Variants in SHBG observed in about 807,000 individuals in gnomAD.
The protein encoded by SHBG is sex hormone binding globulin.
Under a neutral mutation model 41.9 loss-of-function variants are expected in SHBG, and 37 were observed. The ratio of observed to expected loss-of-function variants is 0.88; its 90% CI spans 0.68 to 1.16. SHBG has a LOEUF of 1.16. Among genes scored for constraint, SHBG ranks in the 50% most tolerant of loss-of-function variants. SHBG has a pLI of 0.00. For synonymous variants in SHBG, 217 were observed against 205.8 expected (o/e 1.05, Z -0.47); for missense variants, 466 against 499.9 (o/e 0.93, Z 0.65).
chr17:7,631,735 A>G lies in SHBG; in HGVS notation c.702A>G (p.Glu234=). 1.9e-6 allele frequency: 3 copies of G among 1,614,092 alleles called. No individual in the cohort carries two copies. Among genetic ancestry groups the G allele is most frequent in the South Asian group, 2.2e-5 (2 of 91,076 alleles). The change falls in exon 5 of 8, where the codon GAA becomes GAG. Residue 234 remains glutamate, a synonymous_variant. Coordinates refer to ENST00000380450, the MANE Select transcript of SHBG (RefSeq NM_001040.5). ...GIFLPPGTQA[E]FNLRDIPQPH... is the part of the protein sequence containing the mutation. ...TTCTCCCTCCAGGGACTCAGGCAGAATTCAATCTCCGAGGTAGATTTCCTC... is the reference window on the plus strand; with the variant it reads ...TTCTCCCTCCAGGGACTCAGGCAGAGTTCAATCTCCGAGGTAGATTTCCTC...
At chr17:7,617,781 T>G (rs1042206582) in intron 1 of SHBG, among the ~76,000 whole-genome samples, 1 of 152,088 alleles carries the variant, frequency 6.6e-6, no homozygotes, top group Non-Finnish European at 1.5e-5. Context: ...ATAGTAATAA[T>G]TATTCAACAA....
chr17:7,627,704 C>T (rs759668116), upstream of SHBG: 2 of 1,564,202 alleles, frequency 1.3e-6, no homozygotes, highest in Admixed American at 1.7e-5. The surrounding 1 kb of genome is among the most constrained non-coding windows in gnomAD (Gnocchi z 4.8). Flanking sequence ...CTTAAAGGGC[C>T]TACGGACTTG....
intron 1 of SHBG, among the ~76,000 whole-genome samples, chr17:7,617,159 T>C (rs2072008761): frequency 6.6e-6 from 1 of 152,066 alleles, no homozygotes; most frequent in South Asian, 2.1e-4. Flanking sequence ...ATTTTTTTTT[T>C]GCCCTTTGAG....
intron 1 of SHBG, among the ~76,000 whole-genome samples, chr17:7,618,474 T>A (rs1212373711): frequency 2.0e-5 from 3 of 151,110 alleles, no homozygotes; most frequent in Non-Finnish European, 2.9e-5. Context: ...GTTTTTGTTT[T>A]TTTTGTATTT....
At chr17:7,627,933 G>GT (rs918121801), upstream of SHBG, 15 of 524,926 alleles carry the variant, frequency 2.9e-5, no homozygotes, top group African/African-American at 3.2e-4. The surrounding 1 kb of genome is among the most constrained non-coding windows in gnomAD (Gnocchi z 4.8). Context: ...GCACGGCCGC[G>GT]TCCCCCCCAA....
intron 1 of SHBG, chr17:7,614,600 G>A: frequency 1.0e-6 from 1 of 1,001,494 alleles, no homozygotes; most frequent in Non-Finnish European, 1.3e-6. Context: ...GGCCGGGCCA[G>A]GCCCCCGGCG....
chr17:7,616,313 AAAT>A (rs887074912), intron 1 of SHBG, among the ~76,000 whole-genome samples: 1 of 148,720 alleles, frequency 6.7e-6, no homozygotes, highest in African/African-American at 2.5e-5. Context: ...TCTTCTTTAA[AAAT>A]AATAATAATG....
chr17:7,616,708 T>C lies in SHBG; in HGVS notation c.-62+2597T>C, dbSNP rs922401343. Among the ~76,000 whole-genome samples, 5 of 151,670 alleles carry C rather than the reference T, an allele frequency of 3.3e-5. No homozygotes were observed. The South Asian group carries it at 8.3e-4, about 25-fold the overall frequency. On this transcript the variant is annotated intron_variant, in intron 1 of 5. Transcript: ENST00000570547. ...ATCCCAGCACTTTGGGAGGCCAAGA[T>C]GGGTGGATCACAAGGTCAGGAGTTC... is the stretch of plus-strand genomic sequence containing the variant.
At chr17:7,626,647 G>A (rs1274690412), upstream of SHBG, 1 of 1,610,514 alleles carries the variant, frequency 6.2e-7, no homozygotes, top group Non-Finnish European at 8.5e-7. Flanking sequence ...CTTTTCTGGG[G>A]TCAAAAAAGA....
chr17:7,630,924 G>T lies in SHBG; in HGVS notation c.393+55G>T. 7 of 1,532,236 alleles carry T rather than the reference G, an allele frequency of 4.6e-6. No individual in the cohort carries two copies. The highest frequency in any genetic ancestry group is 6.3e-6 in the Non-Finnish European group (7 of 1,112,212). 94.9% of individuals were successfully genotyped at this position (1,532,236 alleles called of 1,614,324 possible). ...ATGTCTGGAGCTGGTCTGAGGAAAG[G>T]GAACAAAACCAAGTTATTGGGCATC... On this transcript the variant is annotated intron_variant, in intron 3 of 7. Coordinates refer to ENST00000380450, the MANE Select transcript of SHBG (RefSeq NM_001040.5). This position sits in a 1 kb window ranked among gnomAD's most constrained non-coding sequence, Gnocchi z 4.6.
chr17:7,630,724 T>C lies in SHBG; in HGVS notation c.248T>C (p.Val83Ala), dbSNP rs201233623. 1.2e-5 allele frequency: 20 copies of C among 1,613,430 alleles called. No individual in the cohort carries two copies. The highest frequency in any genetic ancestry group is 1.7e-5 in the Admixed American group (1 of 59,912). Residue 83 changes from valine to alanine, a missense_variant, in exon 3 of 8, where the codon GTG becomes GCG. Coordinates refer to ENST00000380450, the MANE Select transcript of SHBG (RefSeq NM_001040.5). This position sits in a 1 kb window ranked among gnomAD's most constrained non-coding sequence, Gnocchi z 4.6. ...FEVRTWDPEGVIFYGDTNPKD... is the reference protein window; with the variant it reads ...FEVRTWDPEGAIFYGDTNPKD... ...GTTCGAACCTGGGACCCAGAGGGAG[T>C]GATTTTTTATGGGGATACCAACCCT...
chr17:7,619,525 G>C (rs766964339), intron 1 of SHBG, among the ~76,000 whole-genome samples: 1 of 151,262 alleles, frequency 6.6e-6, no homozygotes, highest in African/African-American at 2.4e-5. Flanking sequence ...GACCAACATG[G>C]TGAAACCCCA....
chr17:7,630,029 AG>A (rs1262806529), upstream of SHBG: 8 of 739,964 alleles, frequency 1.1e-5, no homozygotes, highest in Non-Finnish European at 1.9e-5. This position sits in a 1 kb window ranked among gnomAD's most constrained non-coding sequence, Gnocchi z 4.6. Context: ...GCCCCTGGGC[AG>A]GGGTCAAGGG....
chr17:7,628,886 T>G (rs2072310577), upstream of SHBG, among the ~76,000 whole-genome samples: 1 of 151,632 alleles, frequency 6.6e-6, no homozygotes, highest in Admixed American at 6.6e-5. Flanking sequence ...TGAAACCCCG[T>G]CTCTACTAAA....
chr17:7,630,536 G>C lies in SHBG; in HGVS notation c.203+29G>C, dbSNP rs769450142. On this transcript the variant is annotated intron_variant, in intron 2 of 7. Transcript: ENST00000380450. The surrounding 1 kb of genome is among the most constrained non-coding windows in gnomAD (Gnocchi z 4.6). ...TGGGGTTGGCCTAGCCCTTGACCCAGTCCCCTGGTTCTGCCCTCTCTCCAT... is the reference window on the plus strand; with the variant it reads ...TGGGGTTGGCCTAGCCCTTGACCCACTCCCCTGGTTCTGCCCTCTCTCCAT... The C allele has an allele frequency of 4.3e-5, 68 of 1,598,436 alleles. No homozygotes were observed. Among genetic ancestry groups the C allele is most frequent in the African/African-American group, 6.7e-5 (5 of 74,586 alleles).
Position 7,630,681 on chromosome 17 carries a change from A to G in SHBG, c.205A>G (p.Thr69Ala), listed in dbSNP as rs748888500. The change falls in exon 3 of 8, where the codon ACC (threonine) becomes GCC (alanine). Residue 69 changes from threonine to alanine, a missense_variant and splice_region_variant. Physicochemically the swap from Thr to Ala is moderately conservative, Grantham distance 58. Coordinates refer to ENST00000380450, the MANE Select transcript of SHBG (RefSeq NM_001040.5). This position sits in a 1 kb window ranked among gnomAD's most constrained non-coding sequence, Gnocchi z 4.6. Reference protein sequence around the residue: ...MTFDLTKITKTSSSFEVRTWD... With the variant: ...MTFDLTKITKASSSFEVRTWD... ...ATCTTTCCTTCTGTGTCCTTCCAGA[A>G]CCTCCTCCTCCTTTGAGGTTCGAAC... is the stretch of plus-strand genomic sequence containing the variant. 6.2e-7 allele frequency: 1 copy of G among 1,613,424 alleles called. No individual in the cohort carries two copies. Among genetic ancestry groups the G allele is most frequent in the East Asian group, 2.2e-5 (1 of 44,844 alleles).
intron 6 of SHBG, 25 bp downstream of exon 6, chr17:7,632,040 C>T: frequency 6.2e-7 from 1 of 1,610,462 alleles, no homozygotes; most frequent in Non-Finnish European, 8.5e-7. Flanking sequence ...TGGGGCATTG[C>T]CTGTATTCAG....
In SHBG at chr17:7,632,034, G is replaced by A. The variant is rs777647189; in HGVS notation, c.852+19G>A. ...AGATCAAGTAAAGGGGGACAGTGGG[G>A]CATTGCCTGTATTCAGTGGAGCCTG... On this transcript the variant is annotated intron_variant, in intron 6 of 7. Transcript: ENST00000380450. 2.5e-6 allele frequency: 4 copies of A among 1,611,430 alleles called. No individual in the cohort carries two copies. Among genetic ancestry groups the A allele is most frequent in the African/African-American group, 1.3e-5 (1 of 74,904 alleles).
At chr17:7,633,102 G>A (rs2072473660) in intron 7 of SHBG, 102 bp from the exon 8 acceptor site, 3 of 1,478,390 alleles carry the variant, frequency 2.0e-6, no homozygotes, top group Non-Finnish European at 2.8e-6. Context: ...GGAAGGTAGT[G>A]CTTTTGCAAA....
Sources: gnomAD v4.1 joint callset for allele counts (sites outside exome capture counted in the v4.1 genomes callset) on GRCh38, gnomAD v4.1.1 for gene constraint, Gnocchi (gnomAD v3.1) non-coding constraint, MANE v1.5 for transcripts, NCBI Gene and HGNC (gene_info 2026-07-23, HGNC 2026-07-21) for gene names.